MADD: variants seen among roughly 807,000 people sequenced by gnomAD.
MADD encodes MAP kinase-activating death domain protein.
MADD carries 109 observed loss-of-function variants against 176.7 expected under a neutral mutation model. That is an observed-to-expected ratio of 0.62 (90% CI 0.53 to 0.72). The LOEUF is 0.72. Among genes scored for constraint, MADD ranks in the 30% least tolerant of loss-of-function variants. The pLI, the probability that MADD is intolerant of heterozygous loss-of-function variation, is 0.00. For synonymous variants in MADD, 771 were observed against 771.3 expected (o/e 1.00, Z 0.01); for missense variants, 1,914 against 2,045.5 (o/e 0.94, Z 1.24).
rs1038776924 is a variant in MADD at position 47,325,030 on chromosome 11, T to A, written c.4542+453T>A. ...GCGTGCGTGCGTGCCTGCGTGCTTG[T>A]GTGTAAGTAGCTTGTATCTGTCCTC... On this transcript the variant is annotated intron_variant, in intron 30 of 32. Coordinates refer to ENST00000402192, the Ensembl canonical transcript of MADD. This position sits in a 1 kb window ranked among gnomAD's most constrained non-coding sequence, Gnocchi z 4.5. The A allele has an allele frequency of 8.5e-6, 4 of 471,648 alleles. No homozygotes were observed. Among genetic ancestry groups the A allele is most frequent in the Admixed American group, 7.4e-5 (2 of 27,154 alleles). 29.2% of individuals were successfully genotyped at this position (471,648 alleles called of 1,614,324 possible). A position where few individuals can be genotyped will look rare whatever the true frequency, so the allele number is the denominator to read the frequency against.
chr11:47,292,205 A>T (rs1366652819), intron 19 of MADD, among the ~76,000 whole-genome samples: 1 of 152,170 alleles, frequency 6.6e-6, no homozygotes, highest in South Asian at 2.1e-4. Flanking sequence ...CCTAAGTTAC[A>T]TGATCTTGAT....
chr11:47,298,744 T>A (rs2075227567), intron 22 of MADD, among the ~76,000 whole-genome samples: 1 of 152,184 alleles, frequency 6.6e-6, no homozygotes, highest in Non-Finnish European at 1.5e-5. Flanking sequence ...CTCCATAAAC[T>A]TTTTGCCCAG....
chr11:47,269,948 G>A (rs1485383821), upstream of MADD: 1 of 152,202 alleles, frequency 6.6e-6, no homozygotes, highest in African/African-American at 2.4e-5. Context: ...ACGGCGCTGG[G>A]TCGGCCTGGC....
At chr11:47,293,847 T>G in intron 19 of MADD, 36 bp from the exon 22 acceptor site, 2 of 1,394,668 alleles carry the variant, frequency 1.4e-6, no homozygotes, top group Non-Finnish European at 1.0e-6. Context: ...CCCCTAGCCT[T>G]TGTGCACGGA....
rs1044253670 is a variant in MADD at position 47,328,596 on chromosome 11, G to A, written c.4613-62G>A. 33 of 1,611,032 alleles carry A rather than the reference G, an allele frequency of 2.0e-5. No homozygotes were observed. The East Asian group carries it at 7.4e-4, about 36-fold the overall frequency. On this transcript the variant is annotated intron_variant, in intron 31 of 32. Coordinates refer to ENST00000402192, the Ensembl canonical transcript of MADD. ...ACGCCGGGCGCTGCCGCCTGGGGGA[G>A]CATGGCACGATTGCTCTTAGTGTTG...
chr11:47,314,592 G>A (rs915731721), intron 26 of MADD, among the ~76,000 whole-genome samples: 2 of 152,132 alleles, frequency 1.3e-5, no homozygotes, highest in Non-Finnish European at 2.9e-5. Context: ...GGATGACAGA[G>A]CGAAACCTTG....
At chr11:47,293,818 C>A in intron 19 of MADD, 65 bp from the exon 22 acceptor site, 1 of 1,053,304 alleles carries the variant, frequency 9.5e-7, no homozygotes. Context: ...GCTGCCGTCC[C>A]ACCCCCTTTA....
At chr11:47,277,956 T>C (rs1205481370) in intron 5 of MADD, among the ~76,000 whole-genome samples, 2 of 152,238 alleles carry the variant, frequency 1.3e-5, no homozygotes, top group African/African-American at 4.8e-5. Flanking sequence ...AAAGTGAAAC[T>C]GTGGATAAGA....
chr11:47,286,878 G>A (rs1474272507), intron 15 of MADD, among the ~76,000 whole-genome samples: 3 of 152,150 alleles, frequency 2.0e-5, no homozygotes, highest in Non-Finnish European at 4.4e-5. Context: ...GGCAAATTCC[G>A]TGCCAAGGAG....
chr11:47,279,434 G>A (rs1043199144), intron 7 of MADD, among the ~76,000 whole-genome samples: 1 of 146,604 alleles, frequency 6.8e-6, no homozygotes, highest in African/African-American at 2.5e-5. Flanking sequence ...CCCTAGGCTG[G>A]AGTGCAGTGG....
intron 26 of MADD, among the ~76,000 whole-genome samples, chr11:47,313,268 AT>A (rs1192704479): frequency 6.6e-6 from 1 of 151,974 alleles, no homozygotes; most frequent in Non-Finnish European, 1.5e-5. Flanking sequence ...ATATGTCAAC[AT>A]TTGGAAGAGC....
At chr11:47,289,679 G>T (rs549566325) in intron 16 of MADD, among the ~76,000 whole-genome samples, 186 bp downstream of exon 17, 3 of 152,312 alleles carry the variant, frequency 2.0e-5, no homozygotes, top group South Asian at 4.1e-4. Flanking sequence ...GTTGAGGGGG[G>T]TTAATCAGCA....
chr11:47,304,489 CAA>C (rs2080939446), intron 22 of MADD, among the ~76,000 whole-genome samples: 1 of 152,188 alleles, frequency 6.6e-6, no homozygotes, highest in Non-Finnish European at 1.5e-5. Context: ...CCTCACCTCC[CAA>C]AGTGTTGGGA....
chr11:47,287,366 G>A (rs2061459136), intron 15 of MADD, among the ~76,000 whole-genome samples: 1 of 152,162 alleles, frequency 6.6e-6, no homozygotes, highest in Non-Finnish European at 1.5e-5. Flanking sequence ...GAATTGGTTT[G>A]TGCTATCTGA....
chr11:47,292,716 G>A, intron 19 of MADD, 120 bp downstream of exon 21: 1 of 902,592 alleles, frequency 1.1e-6, no homozygotes. Flanking sequence ...AGCGTGTTTG[G>A]AATGGCAGCA....
chr11:47,283,011 A>C, intron 10 of MADD, 42 bp downstream of exon 10: 1 of 1,595,468 alleles, frequency 6.3e-7, no homozygotes, highest in Non-Finnish European at 8.6e-7. Context: ...AAAGGTGAGG[A>C]GGCTCTCACT....
intron 27 of MADD, among the ~76,000 whole-genome samples, chr11:47,320,747 C>T (rs898210143): frequency 1.3e-5 from 2 of 151,978 alleles, no homozygotes; most frequent in Non-Finnish European, 2.9e-5. Context: ...CATAGGGAAA[C>T]CCCGTCTCCA....
exon 28 of MADD, chr11:47,323,739 G>A (rs1595477820): frequency 6.2e-7 from 1 of 1,614,196 alleles, no homozygotes; most frequent in South Asian, 1.1e-5. Flanking sequence ...GGTACGAGAA[G>A]CTCATCAACA....
chr11:47,285,505 A>G (rs2059984294), exon 14 of MADD: 1 of 1,614,174 alleles, frequency 6.2e-7, no homozygotes. Context: ...ACTCAGATGC[A>G]GAGTCAGACT....
Sources: allele counts gnomAD v4.1 joint callset (sites outside exome capture counted in the v4.1 genomes callset), GRCh38; gene constraint gnomAD v4.1.1; non-coding constraint Gnocchi (gnomAD v3.1); transcripts MANE v1.5; gene names NCBI Gene and HGNC (gene_info 2026-07-23, HGNC 2026-07-21).